The following ICOSLG variants were observed in gnomAD, a reference collection of about 807,000 sequenced individuals.
ICOSLG encodes ICOS ligand.
For missense variants in ICOSLG, 35 were observed against 158.4 expected (o/e 0.22, Z 4.18); for synonymous variants, 15 against 64.2 (o/e 0.23, Z 3.66).
exon 6 of ICOSLG, chr21:44,228,990 CG>C: frequency 3.9e-6 from 1 of 258,404 alleles, no homozygotes; most frequent in Non-Finnish European, 5.9e-6. Context: ...CTCACGGTGG[CG>C]TCTCACGGAA....
At chr21:44,229,920 C>A in exon 6 of ICOSLG, 1 of 813,172 alleles carries the variant, frequency 1.2e-6, no homozygotes, top group Non-Finnish European at 1.7e-6. Flanking sequence ...GGCTTCGCTG[C>A]GTCTCCAGGA....
At chr21:44,230,982 TGCCTCA>T in intron 5 of ICOSLG, among the ~76,000 whole-genome samples, 1 of 108,990 alleles carries the variant, frequency 9.2e-6, no homozygotes, top group Non-Finnish European at 2.2e-5. Context: ...GCCATTCTCC[TGCCTCA>T]GCCTCATGAG....
rs1295617614 is a variant in ICOSLG, at chr21:44,232,476, T to TAGGTCACC, written c.698-1040_698-1033dup. 6.4e-5 allele frequency among the ~76,000 whole-genome samples: 4 copies of TAGGTCACC among 62,188 alleles called. 1 individual carries two copies. Among genetic ancestry groups the TAGGTCACC allele is most frequent in the East Asian group, 3.5e-4 (1 of 2,888 alleles). The allele number at this position is 62,188 out of a possible 152,430, so 40.8% of individuals were successfully genotyped here. A position where few individuals can be genotyped will look rare whatever the true frequency, so the allele number is the denominator to read the frequency against. On this transcript the variant is annotated intron_variant, in intron 4 of 5. Transcript: ENST00000400379. Reference sequence around the variant, plus strand: ...AGGCTGAAGTGCAGCGGTGTGATCATAGGTCACCGCAGCCTCGACCTCCTG... The same window carrying TAGGTCACC: ...AGGCTGAAGTGCAGCGGTGTGATCATAGGTCACCAGGTCACCGCAGCCTCGACCTCCTG...
chr21:44,230,126 TG>T, intron 5 of ICOSLG, 37 bp from the exon 6 acceptor site: 2 of 716,094 alleles, frequency 2.8e-6, no homozygotes, highest in Non-Finnish European at 3.8e-6. Flanking sequence ...GCAGCAGCGA[TG>T]GGGGGTGTCC....
At chr21:44,232,802 G>A (rs1181504500) in intron 4 of ICOSLG, among the ~76,000 whole-genome samples, 1 of 80,270 alleles carries the variant, frequency 1.2e-5, no homozygotes, top group Non-Finnish European at 2.5e-5. Flanking sequence ...GCTCACTGCA[G>A]CCTCCGCCTC....
At chr21:44,229,895 A>G (rs4568033) in exon 6 of ICOSLG, 35,654 of 777,792 alleles carry the variant, frequency 0.046, 14,711 homozygotes, top group African/African-American at 0.33. Flanking sequence ...AGGAAATGCC[A>G]TGCGCACCAT....
intron 5 of ICOSLG, among the ~76,000 whole-genome samples, chr21:44,230,877 G>GT (rs148596165): frequency 0.064 from 7,386 of 115,856 alleles, 1,231 homozygotes; most frequent in African/African-American, 0.18. Flanking sequence ...AAGTTCCTTT[G>GT]TTTTTTTGGG....
exon 6 of ICOSLG, chr21:44,229,137 A>C: frequency 1.4e-6 from 1 of 712,152 alleles, no homozygotes; most frequent in Non-Finnish European, 1.8e-6. Flanking sequence ...AGCTTGGTGG[A>C]AACACAGGGT....
At chr21:44,229,967 G>C in exon 6 of ICOSLG, 1 of 826,544 alleles carries the variant, frequency 1.2e-6, no homozygotes, top group Non-Finnish European at 1.7e-6. Flanking sequence ...TTTGCCTTTT[G>C]AAAGTTTTTT....
Position 44,230,040 on chromosome 21 carries a change from C to T in ICOSLG, c.912G>A (p.Val304=). 1 of 807,324 alleles carries T rather than the reference C, an allele frequency of 1.2e-6. No homozygotes were observed. The highest frequency in any genetic ancestry group is 1.7e-6 in the Non-Finnish European group (1 of 574,138). 50.0% of individuals were successfully genotyped at this position (807,324 alleles called of 1,614,324 possible). The change falls in exon 6 of 6, where the codon GTG becomes GTA. Residue 304 remains valine (V), a synonymous_variant. Coordinates refer to ENST00000400379, the Ensembl canonical transcript of ICOSLG. ...GGGCCCCCCAGAACCTGCTGCTTCC[C>T]ACGGCAAACTCACCAGTGAGCTCTG...
In ICOSLG at chr21:44,230,884, T is replaced by TG. The variant is rs1016493103; in HGVS notation, c.862+395dup. 2.4e-4 allele frequency among the ~76,000 whole-genome samples: 29 copies of TG among 118,616 alleles called. 2 individuals are homozygous for TG. The highest frequency in any genetic ancestry group is 7.4e-4 in the African/African-American group (28 of 37,624). 77.8% of individuals were successfully genotyped at this position (118,616 alleles called of 152,430 possible). ...CCACAACAAAGTTCCTTTGTTTTTT[T>TG]GGGGGGGACAGAGTCTTGCTCTGTC... On this transcript the variant is annotated intron_variant, in intron 5 of 5. Transcript: ENST00000400379.
rs887102941 is a variant in ICOSLG at position 44,227,549 on chromosome 21, CT to C, written c.*1980del. On this transcript the variant is annotated 3_prime_UTR_variant, in exon 6 of 6. Coordinates refer to ENST00000400379, the Ensembl canonical transcript of ICOSLG. The stretch of plus-strand genomic sequence containing the variant: ...ATTCACCTAAAGGCTCAGGTAGGGA[CT>C]TTTTTTGCAGAAAACCAATTTCTTG... 4 of 465,738 alleles carry C rather than the reference CT, an allele frequency of 8.6e-6. 2 individuals carry two copies. Among genetic ancestry groups the C allele is most frequent in the Non-Finnish European group, 1.0e-5 (4 of 399,884 alleles). 28.9% of individuals were successfully genotyped at this position (465,738 alleles called of 1,614,324 possible).
At chr21:44,231,045 A>ATTT (rs1180617393) in intron 5 of ICOSLG, among the ~76,000 whole-genome samples, 1 of 47,502 alleles carries the variant, frequency 2.1e-5, no homozygotes, top group African/African-American at 5.7e-5. Context: ...AATTTTTTGT[A>ATTT]TTTTTAGTAG....
rs1277875494 is a variant in ICOSLG, at chr21:44,229,997, G to A, written c.955C>T (p.Gln319Ter). Residue 319 changes from glutamine (Q) to a stop codon, truncating the protein, a stop_gained, in exon 6 of 6, where the codon CAG (glutamine) becomes TAG (stop). Coordinates refer to ENST00000400379, the Ensembl canonical transcript of ICOSLG. LOFTEE classifies it low-confidence loss of function (END_TRUNC). Reference sequence around the variant, plus strand: ...TTTTTTGAAACTCTGAAAGACAGCTGGCAGCCAAGCCTCCCCTGGGCCCCC... The same window carrying A: ...TTTTTTGAAACTCTGAAAGACAGCTAGCAGCCAAGCCTCCCCTGGGCCCCC... The A allele has an allele frequency of 1.2e-6, 1 of 834,148 alleles. No individual in the cohort carries two copies. Among genetic ancestry groups the A allele is most frequent in the Non-Finnish European group, 1.7e-6 (1 of 589,196 alleles). 51.7% of individuals were successfully genotyped at this position (834,148 alleles called of 1,614,324 possible).
rs2039978564 is a variant in ICOSLG at position 44,227,549 on chromosome 21, C to T, written c.*1981G>A. ...ATTCACCTAAAGGCTCAGGTAGGGA[C>T]TTTTTTTGCAGAAAACCAATTTCTT... On this transcript the variant is annotated 3_prime_UTR_variant, in exon 6 of 6. Coordinates refer to ENST00000400379, the Ensembl canonical transcript of ICOSLG. 4.3e-6 allele frequency: 2 copies of T among 465,704 alleles called. 1 individual carries two copies. Among genetic ancestry groups the T allele is most frequent in the Admixed American group, 2.7e-4 (2 of 7,300 alleles). The allele number at this position is 465,704 out of a possible 1,614,324, so 28.8% of individuals were successfully genotyped here. A position where few individuals can be genotyped will look rare whatever the true frequency, so the allele number is the denominator to read the frequency against.
At position 44,229,953 on chromosome 21, in the gene ICOSLG, GA is replaced by G; in HGVS notation, c.998del (p.Val333AlafsTer221). 1.2e-6 allele frequency: 1 copy of G among 832,744 alleles called. No individual in the cohort carries two copies. Among genetic ancestry groups the G allele is most frequent in the Admixed American group, 3.7e-5 (1 of 27,396 alleles). 51.6% of individuals were successfully genotyped at this position (832,744 alleles called of 1,614,324 possible). A position where few individuals can be genotyped will look rare whatever the true frequency, so the allele number is the denominator to read the frequency against. On this transcript the variant is annotated frameshift_variant, in exon 6 of 6. Transcript: ENST00000400379. LOFTEE classifies it low-confidence loss of function (END_TRUNC). ...GGAACAACAGTTGTTCAAGGCAAGG[GA>G]CTTTTGCCTTTTGAAAGTTTTTTGA... is the stretch of plus-strand genomic sequence containing the variant.
chr21:44,225,158 C>T (rs544643233), downstream of ICOSLG: 4 of 49,912 alleles, frequency 8.0e-5, 2 homozygotes, highest in Non-Finnish European at 1.5e-4. Flanking sequence ...CGGTGGTTGC[C>T]ACCACATGGA....
At chr21:44,229,355 G>A in exon 6 of ICOSLG, 1 of 224,152 alleles carries the variant, frequency 4.5e-6, no homozygotes, top group Non-Finnish European at 5.7e-6. Context: ...TGAGCCCACT[G>A]TCCCCGGGGA....
chr21:44,230,059 A>G, exon 6 of ICOSLG: 1 of 791,118 alleles, frequency 1.3e-6, no homozygotes. Flanking sequence ...CTCACCAGTG[A>G]GCTCTGTCTC....
Sources: allele counts gnomAD v4.1 joint callset (sites outside exome capture counted in the v4.1 genomes callset), GRCh38; gene constraint gnomAD v4.1.1; transcripts MANE v1.5; gene names NCBI Gene and HGNC (gene_info 2026-07-23, HGNC 2026-07-21).